The following OSMR variants were observed in gnomAD, a reference collection of about 807,000 sequenced individuals.
OSMR encodes oncostatin-M-specific receptor subunit beta.
Under a neutral mutation model 99.9 loss-of-function variants are expected in OSMR, and 81 were observed. That is an observed-to-expected ratio of 0.81 (90% CI 0.68 to 0.97). The LOEUF (loss-of-function observed/expected upper bound fraction) is 0.97. Ranked by LOEUF, OSMR falls within the 50% of genes least tolerant of loss-of-function variation. The pLI, the probability that OSMR is intolerant of heterozygous loss-of-function variation, is 0.00. For missense variants in OSMR, 1,099 were observed against 1,153.4 expected (o/e 0.95, Z 0.68); for synonymous variants, 406 against 410.4 (o/e 0.99, Z 0.13).
At chr5:38,870,060 T>C (rs1742262690) in intron 2 of OSMR, among the ~76,000 whole-genome samples, 1 of 152,178 alleles carries the variant, frequency 6.6e-6, no homozygotes, top group African/African-American at 2.4e-5. Flanking sequence ...ATTGTTCTGA[T>C]AATTGCTCAA....
In OSMR at chr5:38,918,913, C is replaced by G. The variant is rs1394677571; in HGVS notation, c.1436C>G (p.Ser479Cys). 1 of 1,613,942 alleles carries G rather than the reference C, an allele frequency of 6.2e-7. No individual in the cohort carries two copies. Among genetic ancestry groups the G allele is most frequent in the Admixed American group, 1.7e-5 (1 of 60,012 alleles). Residue 479 changes from serine to cysteine, a missense_variant, in exon 11 of 18, where the codon TCC becomes TGC. Ser to Cys is a moderately radical substitution (Grantham distance 112, BLOSUM62 -1). Coordinates refer to ENST00000274276, the MANE Select transcript of OSMR (RefSeq NM_003999.3). ...GTTGTAGAAAACCTAGACAAACCAT[C>G]CAGTTCAGAGCTCCATTCCATTCCA... The part of the protein sequence containing the change: ...NVVVENLDKP[S>C]SSELHSIPAP...
intron 2 of OSMR, among the ~76,000 whole-genome samples, chr5:38,869,617 G>A (rs1402616954): frequency 1.3e-5 from 2 of 152,156 alleles, no homozygotes; most frequent in African/African-American, 4.8e-5. Context: ...GACTCTGAAA[G>A]ACAATATGCT....
At position 38,881,665 on chromosome 5, in the gene OSMR, T is replaced by C; in HGVS notation, c.319T>C (p.Cys107Arg). The C allele has an allele frequency of 1.2e-6, 2 of 1,614,258 alleles. No individual in the cohort carries two copies. The highest frequency in any genetic ancestry group is 2.2e-5 in the East Asian group (1 of 44,886). Reference sequence around the variant, plus strand: ...CTGGGAATCTGAGCTCCCTTTGGAATGTGCCACACACTTTGTAAGAATAAA... The same window carrying C: ...CTGGGAATCTGAGCTCCCTTTGGAACGTGCCACACACTTTGTAAGAATAAA... ...WSWESELPLECATHFVRIKSL... is the reference protein window; with the variant it reads ...WSWESELPLERATHFVRIKSL... Residue 107 changes from cysteine to arginine, a missense_variant, in exon 4 of 18, where the codon TGT becomes CGT. Transcript: ENST00000274276.
At chr5:38,943,805 T>A (rs546352118) in intron 1 of OSMR, among the ~76,000 whole-genome samples, 1 of 151,982 alleles carries the variant, frequency 6.6e-6, no homozygotes, top group Non-Finnish European at 1.5e-5. Flanking sequence ...AGAGCAAGAC[T>A]CCGTCTCAAA....
chr5:38,878,097 A>G (rs1384875134), intron 3 of OSMR, among the ~76,000 whole-genome samples: 2 of 152,128 alleles, frequency 1.3e-5, no homozygotes, highest in African/African-American at 4.8e-5. Flanking sequence ...GCAGGGTGGG[A>G]TCATCCTTCA....
At chr5:38,921,450 A>G (rs1278505275) in intron 11 of OSMR, 165 bp from the exon 12 acceptor site, 1 of 981,000 alleles carries the variant, frequency 1.0e-6, no homozygotes, top group Non-Finnish European at 1.2e-6. Flanking sequence ...AGAGACAAGA[A>G]CTCACCCATG....
intron 15 of OSMR, among the ~76,000 whole-genome samples, chr5:38,929,794 A>C (rs1467611780): frequency 6.6e-6 from 1 of 152,218 alleles, no homozygotes; most frequent in Non-Finnish European, 1.5e-5. Context: ...GGAAAATAAA[A>C]TTCACTATGC....
rs150333423 is a variant in OSMR, at chr5:38,855,192, G to A, written c.-14+8805G>A. Among the ~76,000 whole-genome samples, 183 of 152,280 alleles carry A rather than the reference G, an allele frequency of 1.2e-3. 1 individual carries two copies. The highest frequency in any genetic ancestry group is 4.2e-3 in the African/African-American group (176 of 41,554). ...GATTTTCACTTGATCTGCAGGAGGG[G>A]CCACAGTAGAGGGTGTGGAGCAGCC... On this transcript the variant is annotated intron_variant, in intron 1 of 17. Coordinates refer to ENST00000274276, the MANE Select transcript of OSMR (RefSeq NM_003999.3).
intron 7 of OSMR, among the ~76,000 whole-genome samples, chr5:38,902,235 C>T (rs139551970): frequency 1.8e-3 from 272 of 152,348 alleles, no homozygotes; most frequent in African/African-American, 6.2e-3. Flanking sequence ...AGGTGGCAGG[C>T]GGAAGTGGAT....
chr5:38,928,329 C>G (rs111667231), intron 15 of OSMR, among the ~76,000 whole-genome samples: 55 of 152,266 alleles, frequency 3.6e-4, no homozygotes, highest in Non-Finnish European at 5.9e-4. Context: ...TACCAATTTA[C>G]TGTATCAGCC....
chr5:38,853,477 T>C (rs1740598003), intron 1 of OSMR, among the ~76,000 whole-genome samples: 1 of 152,162 alleles, frequency 6.6e-6, no homozygotes, highest in Admixed American at 6.6e-5. Context: ...CTAAGCATTT[T>C]ATGTCAGAGT....
downstream of OSMR, chr5:38,938,664 C>A (rs1579832740): frequency 4.3e-6 from 1 of 232,612 alleles, no homozygotes; most frequent in Non-Finnish European, 8.5e-6. Context: ...GAACTTGGAA[C>A]TAAAAGAAGA....
chr5:38,881,363 T>C (rs1037258188), intron 3 of OSMR: 19 of 404,734 alleles, frequency 4.7e-5, no homozygotes, highest in Non-Finnish European at 5.7e-5. Context: ...TCCCCGGGAA[T>C]TGGAAGACCA....
At chr5:38,917,294 T>A (rs190851485) in intron 9 of OSMR, 275 of 326,094 alleles carry the variant, frequency 8.4e-4, no homozygotes, top group African/African-American at 5.9e-3. Context: ...TTGGTAGTTG[T>A]ATGGCTTGAT....
intron 9 of OSMR, among the ~76,000 whole-genome samples, chr5:38,906,430 T>C (rs1745238988): frequency 6.6e-6 from 1 of 152,182 alleles, no homozygotes; most frequent in Non-Finnish European, 1.5e-5. Context: ...TTAAGTATAA[T>C]TATAGTGAGC....
intron 2 of OSMR, among the ~76,000 whole-genome samples, chr5:38,873,716 C>G (rs1742567366): frequency 6.6e-6 from 1 of 152,146 alleles, no homozygotes; most frequent in Non-Finnish European, 1.5e-5. Flanking sequence ...GTGATTTTGA[C>G]TTGAATTTCC....
intron 2 of OSMR, among the ~76,000 whole-genome samples, chr5:38,874,040 G>A (rs922335169): frequency 2.6e-5 from 4 of 151,862 alleles, no homozygotes; most frequent in Admixed American, 6.6e-5. Context: ...CCATGTTGCC[G>A]ACTCTTTTGC....
At chr5:38,891,950 C>A (rs1318864625) in intron 7 of OSMR, among the ~76,000 whole-genome samples, 1 of 152,166 alleles carries the variant, frequency 6.6e-6, no homozygotes, top group Non-Finnish European at 1.5e-5. Flanking sequence ...TCCCCCACCC[C>A]TGCCGCCCTT....
intron 1 of OSMR, among the ~76,000 whole-genome samples, chr5:38,864,236 C>G (rs1561342561): frequency 6.6e-6 from 1 of 151,884 alleles, no homozygotes; most frequent in East Asian, 1.9e-4. Flanking sequence ...TTTTTATATT[C>G]TTTTTTCTTT....
Sources: allele counts gnomAD v4.1 joint callset (sites outside exome capture counted in the v4.1 genomes callset), GRCh38; gene constraint gnomAD v4.1.1; transcripts MANE v1.5; gene names NCBI Gene and HGNC (gene_info 2026-07-23, HGNC 2026-07-21).